The following PPP2R2C variants were observed in gnomAD, a reference collection of about 807,000 sequenced individuals.
PPP2R2C encodes protein phosphatase 2, regulatory subunit B, gamma.
Under a neutral mutation model 45.3 loss-of-function variants are expected in PPP2R2C, and 10 were observed. The observed-to-expected ratio is 0.22, with a 90% CI of 0.14 to 0.37. The LOEUF is 0.37. Ranked by LOEUF, PPP2R2C falls within the 10% of genes least tolerant of loss-of-function variation. The probability of loss-of-function intolerance (pLI) is 1.00; values close to 1 mark genes in which losing one functional copy is unlikely to be tolerated. For missense variants in PPP2R2C, 308 were observed against 619.7 expected, an observed-to-expected ratio of 0.50 and a Z score of 5.34; for synonymous variants, 257 against 245.4, an observed-to-expected ratio of 1.05 and a Z score of -0.44.
At chr4:6,366,399 G>A (rs10804978) in intron 5 of PPP2R2C, among the ~76,000 whole-genome samples, 109,754 of 152,114 alleles carry the variant, frequency 0.72, 41,831 homozygotes, top group South Asian at 0.85. Context: ...CCACATGGAA[G>A]TGGTGAACTT....
intron 1 of PPP2R2C, among the ~76,000 whole-genome samples, chr4:6,436,964 T>A (rs903590265): frequency 6.6e-6 from 1 of 152,180 alleles, no homozygotes; most frequent in African/African-American, 2.4e-5. Flanking sequence ...TGTTTACACA[T>A]TGCCAAGTGA....
chr4:6,462,374 G>A (rs1166043801), intron 1 of PPP2R2C, among the ~76,000 whole-genome samples: 1 of 152,214 alleles, frequency 6.6e-6, no homozygotes, highest in Non-Finnish European at 1.5e-5. Context: ...AGCTGCTCAG[G>A]ATGCTGAGGC....
At chr4:6,536,953 A>G (rs904240417) in intron 1 of PPP2R2C, among the ~76,000 whole-genome samples, 4 of 152,350 alleles carry the variant, frequency 2.6e-5, no homozygotes, top group African/African-American at 9.6e-5. Context: ...CTGTAATCCC[A>G]GCACTTTGGG....
At chr4:6,394,526 C>T (rs1716883743) in intron 1 of PPP2R2C, among the ~76,000 whole-genome samples, 1 of 152,218 alleles carries the variant, frequency 6.6e-6, no homozygotes, top group African/African-American at 2.4e-5. Context: ...TGTCTCCTGT[C>T]CTGCTTATGT....
At chr4:6,420,275 A>G (rs1241516398) in intron 1 of PPP2R2C, among the ~76,000 whole-genome samples, 2 of 150,116 alleles carry the variant, frequency 1.3e-5, no homozygotes, top group African/African-American at 4.8e-5. Flanking sequence ...GCCCAGTCCC[A>G]CTGCCAATGT....
At chr4:6,526,532 G>T (rs924955176) in intron 2 of PPP2R2C, among the ~76,000 whole-genome samples, 16 of 152,220 alleles carry the variant, frequency 1.1e-4, no homozygotes, top group African/African-American at 3.9e-4. Flanking sequence ...CTCTAAAATG[G>T]TTAAATTGGT....
intron 1 of PPP2R2C, among the ~76,000 whole-genome samples, chr4:6,393,709 G>T (rs998744087): frequency 6.6e-6 from 1 of 152,220 alleles, no homozygotes; most frequent in Non-Finnish European, 1.5e-5. Context: ...TTTCTCCCTG[G>T]CCAAGCCAGG....
chr4:6,360,122 C>A (rs1199343340), intron 5 of PPP2R2C, among the ~76,000 whole-genome samples: 1 of 152,234 alleles, frequency 6.6e-6, no homozygotes, highest in African/African-American at 2.4e-5. Flanking sequence ...TCCACCCCTG[C>A]AGGCAGGAAC....
At chr4:6,349,433 A>G in intron 5 of PPP2R2C, 1 of 981,052 alleles carries the variant, frequency 1.0e-6, no homozygotes, top group Non-Finnish European at 1.2e-6. Context: ...CCCTTCACAC[A>G]CTGCCTGATG....
intron 1 of PPP2R2C, among the ~76,000 whole-genome samples, chr4:6,440,341 G>A (rs2108732121): frequency 6.6e-6 from 1 of 152,346 alleles, no homozygotes; most frequent in African/African-American, 2.4e-5. Context: ...TGAATGATCA[G>A]TTATCTGTCT....
intron 6 of PPP2R2C, among the ~76,000 whole-genome samples, chr4:6,336,096 C>T (rs1320711002): frequency 6.6e-6 from 1 of 152,084 alleles, no homozygotes; most frequent in Non-Finnish European, 1.5e-5. Context: ...AGTTTATCCA[C>T]TAATAAGTGG....
At chr4:6,548,312 GT>G (rs1725064021) in intron 1 of PPP2R2C, among the ~76,000 whole-genome samples, 1 of 152,116 alleles carries the variant, frequency 6.6e-6, no homozygotes, top group African/African-American at 2.4e-5. Context: ...GAGCCTCCCG[GT>G]CCCCCACTGG....
chr4:6,536,117 G>A (rs1410530668), intron 1 of PPP2R2C, among the ~76,000 whole-genome samples: 2 of 152,142 alleles, frequency 1.3e-5, no homozygotes, highest in East Asian at 3.8e-4. Context: ...AGGGATGAGG[G>A]TTAGGTAAAT....
intron 1 of PPP2R2C, among the ~76,000 whole-genome samples, chr4:6,391,769 G>A (rs1467735214): frequency 6.6e-6 from 1 of 152,222 alleles, no homozygotes; most frequent in East Asian, 1.9e-4. Context: ...GGGTGGGGCT[G>A]GAGGCCTGGA....
chr4:6,546,368 G>A (rs567383979), intron 1 of PPP2R2C, among the ~76,000 whole-genome samples: 140 of 152,270 alleles, frequency 9.2e-4, no homozygotes, highest in African/African-American at 3.1e-3. Context: ...ATTAGTAGTG[G>A]TCATAGCAAT....
intron 2 of PPP2R2C, among the ~76,000 whole-genome samples, chr4:6,531,561 C>CTT (rs11327901): frequency 7.0e-6 from 1 of 143,838 alleles, no homozygotes; most frequent in Admixed American, 6.8e-5. Flanking sequence ...TCCCGTTTTC[C>CTT]TTTTTTTTTT....
chr4:6,427,517 G>A (rs1238946631), intron 1 of PPP2R2C, among the ~76,000 whole-genome samples: 4 of 152,184 alleles, frequency 2.6e-5, no homozygotes, highest in African/African-American at 9.7e-5. Flanking sequence ...CTGGGTCTCT[G>A]GGCTTCACAT....
intron 5 of PPP2R2C, chr4:6,349,861 A>G: frequency 1.0e-6 from 1 of 976,636 alleles, no homozygotes; most frequent in Non-Finnish European, 1.2e-6. Context: ...ATTATATTCC[A>G]GCCTGGTGAC....
rs949344505 is a variant in PPP2R2C, at chr4:6,339,748, A to G, written c.791-6017T>C. 2.2e-4 allele frequency among the ~76,000 whole-genome samples: 34 copies of G among 151,980 alleles called. 1 individual carries two copies. The highest frequency in any genetic ancestry group is 1.0e-3 in the South Asian group (5 of 4,808). ...ATGGGAGGAGGTGGCCTGGAGGGGG[A>G]GGGGCCTATGGGGTCCTGGGCAGTG... On this transcript the variant is annotated intron_variant, in intron 6 of 8. Transcript: ENST00000382599.
Sources: gnomAD v4.1 joint callset for allele counts (sites outside exome capture counted in the v4.1 genomes callset) on GRCh38, gnomAD v4.1.1 for gene constraint, MANE v1.5 for transcripts, NCBI Gene and HGNC (gene_info 2026-07-23, HGNC 2026-07-21) for gene names.